The following PCDH15 variants were observed in gnomAD, a reference collection of about 807,000 sequenced individuals.
The protein encoded by PCDH15 is protocadherin-15.
Under a neutral mutation model 178.5 loss-of-function variants are expected in PCDH15, and 129 were observed. That is an observed-to-expected ratio of 0.72 (90% CI 0.63 to 0.84). The LOEUF is 0.84. PCDH15 is among the 40% of genes least tolerant of loss of function. The pLI is 0.00. For missense variants in PCDH15, 2,230 were observed against 2,099.9 expected, an observed-to-expected ratio of 1.06 and a Z score of -1.21; for synonymous variants, 800 against 732.0, an observed-to-expected ratio of 1.09 and a Z score of -1.50.
chr10:54,243,161 A>C (rs1380184196), intron 8 of PCDH15, among the ~76,000 whole-genome samples: 2 of 152,176 alleles, frequency 1.3e-5, no homozygotes, highest in African/African-American at 4.8e-5. Context: ...TGCTTTTTCA[A>C]TATCTATTAA....
intron 3 of PCDH15, among the ~76,000 whole-genome samples, chr10:54,850,251 A>T (rs1346758946): frequency 6.6e-6 from 1 of 152,146 alleles, no homozygotes; most frequent in Non-Finnish European, 1.5e-5. Context: ...AAATGATAAA[A>T]ATCATAAGAT....
At chr10:53,954,284 T>C (rs1169996452) in intron 23 of PCDH15, among the ~76,000 whole-genome samples, 1 of 152,242 alleles carries the variant, frequency 6.6e-6, no homozygotes, top group Non-Finnish European at 1.5e-5. Context: ...CTGTGGTGTT[T>C]ATTACTTGTG....
chr10:55,129,414 C>T (rs1455490253), intron 2 of PCDH15, among the ~76,000 whole-genome samples: 1 of 152,028 alleles, frequency 6.6e-6, no homozygotes, highest in Non-Finnish European at 1.5e-5. Context: ...TTCTGTAGGT[C>T]CTTGTCATTG....
chr10:54,452,522 T>G (rs1236860997), intron 3 of PCDH15: 1 of 152,102 alleles, frequency 6.6e-6, no homozygotes, highest in Non-Finnish European at 1.5e-5. Context: ...GTGCCAGCTA[T>G]TTTTGAAGAA....
intron 3 of PCDH15, among the ~76,000 whole-genome samples, chr10:54,815,408 T>C (rs191108571): frequency 6.6e-6 from 1 of 152,244 alleles, no homozygotes; most frequent in East Asian, 1.9e-4. Context: ...GTATTGTAAC[T>C]GCATAACATT....
At chr10:54,072,058 G>T (rs2094254922) in intron 17 of PCDH15, among the ~76,000 whole-genome samples, 1 of 151,742 alleles carries the variant, frequency 6.6e-6, no homozygotes, top group Admixed American at 6.6e-5. Context: ...TCTGAAAAAA[G>T]AAGAGCTAGA....
At chr10:54,542,155 A>G (rs1167390440) in intron 2 of PCDH15, among the ~76,000 whole-genome samples, 1 of 152,194 alleles carries the variant, frequency 6.6e-6, no homozygotes, top group African/African-American at 2.4e-5. Context: ...ATGTTGAAGC[A>G]ATTTTCCTAC....
chr10:55,155,335 G>C (rs184514043), intron 2 of PCDH15, among the ~76,000 whole-genome samples: 2 of 151,522 alleles, frequency 1.3e-5, no homozygotes, highest in East Asian at 3.9e-4. Flanking sequence ...GTTTAATCTC[G>C]TCTTAGTTAT....
At chr10:54,935,875 T>A (rs1239029303) in intron 2 of PCDH15, among the ~76,000 whole-genome samples, 1 of 152,112 alleles carries the variant, frequency 6.6e-6, no homozygotes, top group Non-Finnish European at 1.5e-5. Context: ...TCTGAAAGCA[T>A]TTTATCATTT....
Position 54,400,940 on chromosome 10 carries a change from T to C in PCDH15, c.158-21998A>G, listed in dbSNP as rs190314314. On this transcript the variant is annotated intron_variant, in intron 3 of 37. Transcript: ENST00000644397. Reference sequence around the variant, plus strand: ...TTATAGGTATTGTTCATCTAGTTTGTAGTAAAGGGAACATAGCTATAGACA... The same window carrying C: ...TTATAGGTATTGTTCATCTAGTTTGCAGTAAAGGGAACATAGCTATAGACA... 1.7e-3 allele frequency among the ~76,000 whole-genome samples: 264 copies of C among 152,108 alleles called. 1 individual carries two copies. Among genetic ancestry groups the C allele is most frequent in the Middle Eastern group, 6.8e-3 (2 of 294 alleles).
intron 13 of PCDH15, among the ~76,000 whole-genome samples, chr10:54,174,707 T>TC (rs1269554451): frequency 1.5e-4 from 16 of 108,270 alleles, no homozygotes; most frequent in African/African-American, 8.2e-4. Flanking sequence ...CTTTTCTTTT[T>TC]TTTTTTTTTT....
At chr10:53,991,964 C>T (rs1023172294) in intron 21 of PCDH15, among the ~76,000 whole-genome samples, 6 of 152,216 alleles carry the variant, frequency 3.9e-5, no homozygotes, top group Non-Finnish European at 7.4e-5. Flanking sequence ...CGCTCGGGTC[C>T]CCTTCCACCC....
At chr10:55,286,788 G>A (rs1469211200) in intron 1 of PCDH15, among the ~76,000 whole-genome samples, 2 of 151,808 alleles carry the variant, frequency 1.3e-5, no homozygotes, top group Admixed American at 1.3e-4. Context: ...TCCATTTCCA[G>A]TACTCATGAT....
At chr10:55,049,536 T>C (rs1459330425) in intron 2 of PCDH15, among the ~76,000 whole-genome samples, 1 of 151,894 alleles carries the variant, frequency 6.6e-6, no homozygotes, top group Non-Finnish European at 1.5e-5. Context: ...CGGAGAAAAG[T>C]GCAGGGCTGA....
intron 2 of PCDH15, among the ~76,000 whole-genome samples, chr10:55,483,378 A>G (rs1370041308): frequency 6.6e-6 from 1 of 151,896 alleles, no homozygotes; most frequent in African/African-American, 2.4e-5. Context: ...AAAGCTCAAC[A>G]TTACTGTTTA....
intron 11 of PCDH15, among the ~76,000 whole-genome samples, chr10:54,189,958 TG>T (rs1447753341): frequency 1.3e-5 from 2 of 151,470 alleles, no homozygotes; most frequent in Admixed American, 6.6e-5. Context: ...TGTGTGTGTG[TG>T]TGTATGGGTA....
At chr10:53,984,310 C>T (rs898115423) in intron 21 of PCDH15, among the ~76,000 whole-genome samples, 5 of 151,658 alleles carry the variant, frequency 3.3e-5, no homozygotes, top group South Asian at 4.2e-4. Flanking sequence ...CCACCATGCT[C>T]GGCTAATTTT....
intron 1 of PCDH15, among the ~76,000 whole-genome samples, chr10:54,791,720 A>G (rs888626492): frequency 1.3e-5 from 2 of 151,928 alleles, no homozygotes; most frequent in African/African-American, 4.8e-5. Flanking sequence ...CCATCAATAC[A>G]TTATGGTGAT....
chr10:54,228,430 C>T (rs1448062459), intron 9 of PCDH15, among the ~76,000 whole-genome samples: 1 of 152,128 alleles, frequency 6.6e-6, no homozygotes, highest in East Asian at 1.9e-4. Flanking sequence ...ATTCAATTAC[C>T]TCCCACCTTG....
Sources: allele counts gnomAD v4.1 joint callset (sites outside exome capture counted in the v4.1 genomes callset), GRCh38; gene constraint gnomAD v4.1.1; transcripts MANE v1.5; gene names NCBI Gene and HGNC (gene_info 2026-07-23, HGNC 2026-07-21).